KCNN2: variants seen among roughly 807,000 people sequenced by gnomAD.
KCNN2 encodes the protein potassium calcium-activated channel subfamily N member 2, also known as small conductance calcium-activated potassium channel protein 2.
Under a neutral mutation model 55.5 loss-of-function variants are expected in KCNN2, and 24 were observed. The observed-to-expected ratio is 0.43, with a 90% CI of 0.31 to 0.61. The LOEUF (loss-of-function observed/expected upper bound fraction) is 0.61. Ranked by LOEUF, KCNN2 falls within the 20% of genes least tolerant of loss-of-function variation. KCNN2 has a pLI of 0.08. For missense variants in KCNN2, 754 were observed against 853.6 expected (o/e 0.88, Z 1.45); for synonymous variants, 431 against 336.1 (o/e 1.28, Z -3.09).
chr5:114,284,196 T>A (rs1755685603), intron 2 of KCNN2, among the ~76,000 whole-genome samples: 1 of 152,214 alleles, frequency 6.6e-6, no homozygotes, highest in South Asian at 2.1e-4. Flanking sequence ...AATTCCCTAA[T>A]ATCTTAGGTC....
chr5:114,356,492 T>C (rs1561583037), intron 2 of KCNN2, among the ~76,000 whole-genome samples: 1 of 152,136 alleles, frequency 6.6e-6, no homozygotes, highest in East Asian at 1.9e-4. Context: ...CAAGTTCTAC[T>C]AGCAAACTCA....
At chr5:114,242,547 T>C (rs1468718914) in intron 2 of KCNN2, among the ~76,000 whole-genome samples, 2 of 152,212 alleles carry the variant, frequency 1.3e-5, no homozygotes, top group African/African-American at 4.8e-5. Context: ...ATTATATTAA[T>C]TCAACTATTT....
intron 2 of KCNN2, among the ~76,000 whole-genome samples, chr5:114,323,648 A>ACTTTTTTTTTTT (rs1756655750): frequency 2.9e-5 from 1 of 34,870 alleles, no homozygotes; most frequent in Admixed American, 4.4e-4. Flanking sequence ...TAAACATATC[A>ACTTTTTTTTTTT]ATTTTTTTTT....
rs967906633 is a variant in KCNN2, at chr5:114,171,559, A to T, written c.-270-49921A>T. Among the ~76,000 whole-genome samples the T allele has an allele frequency of 6.6e-5, 10 of 151,948 alleles. No homozygotes were observed. The South Asian group carries it at 1.0e-3, about 16-fold the overall frequency. ...CACAGACCCACAGTATATGTTTAGGACTTATCGCTCTCCTTATAGCATGTA... is the reference window on the plus strand; with the variant it reads ...CACAGACCCACAGTATATGTTTAGGTCTTATCGCTCTCCTTATAGCATGTA... On this transcript the variant is annotated intron_variant, in intron 1 of 10. Transcript: ENST00000512097.
intron 1 of KCNN2, among the ~76,000 whole-genome samples, chr5:114,219,829 T>A (rs921030621): frequency 3.1e-4 from 47 of 152,252 alleles, no homozygotes; most frequent in African/African-American, 1.1e-3. Flanking sequence ...AAATTAATCT[T>A]TAAAGTCTAT....
At chr5:114,249,386 C>G (rs918807264) in intron 2 of KCNN2, among the ~76,000 whole-genome samples, 2 of 151,256 alleles carry the variant, frequency 1.3e-5, no homozygotes, top group Admixed American at 6.6e-5. Context: ...CTCTCGGGTT[C>G]AAGCCATCTC....
At chr5:114,307,505 A>G (rs1208977893) in intron 2 of KCNN2, among the ~76,000 whole-genome samples, 1 of 152,126 alleles carries the variant, frequency 6.6e-6, no homozygotes, top group East Asian at 1.9e-4. Context: ...TTGCCATTCT[A>G]GAATCATAGC....
At chr5:114,425,939 T>A (rs1210177331) in intron 3 of KCNN2, among the ~76,000 whole-genome samples, 1 of 151,530 alleles carries the variant, frequency 6.6e-6, no homozygotes, top group East Asian at 1.9e-4. Flanking sequence ...TAGCACTTTG[T>A]GAGGCCGAGG....
rs56127808 is a variant in KCNN2, at chr5:114,065,846, G to GT, written c.-271+9382dup. Among the ~76,000 whole-genome samples the GT allele has an allele frequency of 5.5e-4, 25 of 45,242 alleles. 4 individuals are homozygous for GT. The highest frequency in any genetic ancestry group is 2.1e-3 in the African/African-American group (25 of 11,756). The allele number at this position is 45,242 out of a possible 152,430, so 29.7% of individuals were successfully genotyped here. A position where few individuals can be genotyped will look rare whatever the true frequency, so the allele number is the denominator to read the frequency against. On this transcript the variant is annotated intron_variant, in intron 1 of 10. Coordinates refer to the KCNN2 transcript ENST00000512097. Reference sequence around the variant, plus strand: ...AGCTTTTAGCTATTCTCCTATGCAGGTTTTTTTTTTTTTTTTTTTTTTTTT... The same window carrying GT: ...AGCTTTTAGCTATTCTCCTATGCAGGTTTTTTTTTTTTTTTTTTTTTTTTTT...
chr5:114,287,691 A>G (rs1359274310), intron 2 of KCNN2, among the ~76,000 whole-genome samples: 1 of 151,890 alleles, frequency 6.6e-6, no homozygotes, highest in African/African-American at 2.4e-5. Flanking sequence ...GGTGCAGTAA[A>G]CCGCCATGGC....
At chr5:114,315,465 GTATA>G (rs35534460) in intron 2 of KCNN2, among the ~76,000 whole-genome samples, 1,326 of 68,142 alleles carry the variant, frequency 0.019, 12 homozygotes, top group East Asian at 0.13. Flanking sequence ...GTGTGTGTGT[GTATA>G]TATATATAAA....
chr5:114,168,882 C>G (rs1052895689), intron 1 of KCNN2, among the ~76,000 whole-genome samples: 2 of 152,146 alleles, frequency 1.3e-5, no homozygotes, highest in South Asian at 4.1e-4. Flanking sequence ...TGGTTTGGCT[C>G]TGTGTCCCCA....
Position 114,362,985 on chromosome 5 carries a change from G to A in KCNN2, c.846G>A (p.Lys282=). ...SSSAPEIVVS[K]PEHNNSNNLA... ...CAGCCCCCGAGATCGTGGTGTCTAA[G>A]CCCGAGCACAACAACTCCAACAACC... is the stretch of plus-strand genomic sequence containing the variant. The change falls in exon 1 of 8, where the codon AAG becomes AAA. Residue 282 remains lysine, a synonymous_variant. Coordinates refer to ENST00000673685, the MANE Select transcript of KCNN2 (RefSeq NM_021614.4). 6.3e-7 allele frequency: 1 copy of A among 1,591,664 alleles called. No individual in the cohort carries two copies. Among genetic ancestry groups the A allele is most frequent in the African/African-American group, 1.3e-5 (1 of 74,792 alleles).
At chr5:114,332,525 C>A (rs1431049873) in intron 2 of KCNN2, among the ~76,000 whole-genome samples, 2 of 152,166 alleles carry the variant, frequency 1.3e-5, no homozygotes, top group Non-Finnish European at 2.9e-5. Flanking sequence ...TTAACTATCA[C>A]AGTAAAGCTT....
At chr5:114,122,601 G>A (rs1751848234) in intron 1 of KCNN2, among the ~76,000 whole-genome samples, 1 of 152,278 alleles carries the variant, frequency 6.6e-6, no homozygotes, top group South Asian at 2.1e-4. Flanking sequence ...TGTTGGGTAG[G>A]ATACTTAGTG....
chr5:114,421,890 T>A (rs1289826850), intron 3 of KCNN2, among the ~76,000 whole-genome samples: 3 of 152,224 alleles, frequency 2.0e-5, no homozygotes, highest in African/African-American at 4.8e-5. Flanking sequence ...CAGGTGTGAT[T>A]ACAGGCGTGA....
At chr5:114,135,764 C>T (rs554220792) in intron 1 of KCNN2, among the ~76,000 whole-genome samples, 1 of 152,230 alleles carries the variant, frequency 6.6e-6, no homozygotes, top group African/African-American at 2.4e-5. Context: ...TGAAAGTGAA[C>T]ACTTTGAAAT....
intron 2 of KCNN2, among the ~76,000 whole-genome samples, chr5:114,267,020 G>A (rs116784772): frequency 2.6e-5 from 3 of 116,902 alleles, no homozygotes; most frequent in South Asian, 2.8e-4. Context: ...TTTTTGAGAC[G>A]AAGTCTCCCT....
At chr5:114,294,579 C>G (rs1464386407) in intron 2 of KCNN2, among the ~76,000 whole-genome samples, 1 of 151,410 alleles carries the variant, frequency 6.6e-6, no homozygotes, top group Non-Finnish European at 1.5e-5. Flanking sequence ...AATTTCTGTT[C>G]TTTTACATAT....
Sources: allele counts gnomAD v4.1 joint callset (sites outside exome capture counted in the v4.1 genomes callset), GRCh38; gene constraint gnomAD v4.1.1; transcripts MANE v1.5; gene names NCBI Gene and HGNC (gene_info 2026-07-23, HGNC 2026-07-21).